Variants in ST7 observed in about 807,000 individuals in gnomAD.
ST7 encodes suppressor of tumorigenicity 7 protein.
ST7 carries 28 observed loss-of-function variants against 78.7 expected under a neutral mutation model. The ratio of observed to expected loss-of-function variants is 0.36; its 90% confidence interval spans 0.26 to 0.49. The LOEUF is 0.49. ST7 is among the 20% of genes least tolerant of loss of function. The pLI, the probability that ST7 is intolerant of heterozygous loss-of-function variation, is 0.99. For synonymous variants in ST7, 247 were observed against 249.6 expected, an observed-to-expected ratio of 0.99 and a Z score of 0.10; for missense variants, 418 against 696.0, an observed-to-expected ratio of 0.60 and a Z score of 4.49.
At chr7:116,953,732 C>G (rs774949259) in intron 1 of ST7, 41 bp downstream of exon 1, 8 of 1,361,048 alleles carry the variant, frequency 5.9e-6, no homozygotes, top group Admixed American at 2.2e-5. Context: ...CACCCCTCCC[C>G]CGCCCCGGAA....
At chr7:117,217,302 A>C (rs930665835) in intron 13 of ST7, among the ~76,000 whole-genome samples, 2 of 150,660 alleles carry the variant, frequency 1.3e-5, no homozygotes, top group African/African-American at 2.4e-5. Context: ...AAAAAAAACA[A>C]AAAAAAAAAC....
At chr7:117,123,396 C>G (rs1584726164) in intron 3 of ST7, among the ~76,000 whole-genome samples, 1 of 152,076 alleles carries the variant, frequency 6.6e-6, no homozygotes, top group East Asian at 1.9e-4. Flanking sequence ...TTTTAAACTT[C>G]TGGATTTGTA....
chr7:117,074,145 C>A (rs376213369), intron 1 of ST7, among the ~76,000 whole-genome samples: 1 of 152,150 alleles, frequency 6.6e-6, no homozygotes. Context: ...AATCCCAGCA[C>A]GTTGGGAGGC....
chr7:117,116,292 A>C (rs1019998336), intron 2 of ST7, among the ~76,000 whole-genome samples: 4 of 152,202 alleles, frequency 2.6e-5, no homozygotes, highest in Admixed American at 6.5e-5. Flanking sequence ...TGACAGGCCC[A>C]CTGAGCTACT....
chr7:117,189,012 T>G (rs889886770), intron 10 of ST7, among the ~76,000 whole-genome samples: 3 of 152,190 alleles, frequency 2.0e-5, no homozygotes, highest in African/African-American at 4.8e-5. Context: ...GATATCTAAA[T>G]GTATATATTT....
rs1240953006 is a variant in ST7 at position 117,139,967 on chromosome 7, A to G, written c.963+1435A>G. Among the ~76,000 whole-genome samples, 4 of 152,220 alleles carry G rather than the reference A, an allele frequency of 2.6e-5. No homozygotes were observed. In the East Asian group the frequency reaches 7.7e-4, roughly 29 times the overall value. On this transcript the variant is annotated intron_variant, in intron 9 of 15. Transcript: ENST00000323984. Reference sequence around the variant, plus strand: ...TTCTCTATCTTAACCTGGCCCAGCCACATTCAGCTTTTAAACAGAGTTTTC... The same window carrying G: ...TTCTCTATCTTAACCTGGCCCAGCCGCATTCAGCTTTTAAACAGAGTTTTC...
At chr7:116,981,480 A>G (rs903596674) in intron 1 of ST7, among the ~76,000 whole-genome samples, 4 of 152,176 alleles carry the variant, frequency 2.6e-5, no homozygotes, top group Non-Finnish European at 5.9e-5. Context: ...TGTTTTTCTC[A>G]TAGAATCCTA....
intron 9 of ST7, among the ~76,000 whole-genome samples, chr7:117,165,783 C>T (rs1807507583): frequency 6.6e-6 from 1 of 152,096 alleles, no homozygotes; most frequent in African/African-American, 2.4e-5. Context: ...GTAAAGATTT[C>T]CTGAAAGTTG....
intron 5 of ST7, among the ~76,000 whole-genome samples, 172 bp from the exon 6 acceptor site, chr7:117,131,713 G>T (rs1804373173): frequency 6.6e-6 from 1 of 151,864 alleles, no homozygotes; most frequent in Non-Finnish European, 1.5e-5. Flanking sequence ...AAATACTGTG[G>T]AATAGCACAT....
At chr7:117,194,781 C>T (rs763912604) in intron 12 of ST7, among the ~76,000 whole-genome samples, 4 of 152,188 alleles carry the variant, frequency 2.6e-5, no homozygotes, top group Admixed American at 6.5e-5. Context: ...GCTCACTCTG[C>T]TCTTCCTCAG....
intron 1 of ST7, among the ~76,000 whole-genome samples, chr7:117,019,544 C>T (rs1462173267): frequency 6.6e-6 from 1 of 152,120 alleles, no homozygotes. Context: ...GACAGAAATT[C>T]ATGTAAGGCA....
At position 116,985,425 on chromosome 7, in the gene ST7, T is replaced by C. The variant is rs1248482686; in HGVS notation, c.151+31734T>C. On this transcript the variant is annotated intron_variant, in intron 1 of 15. Coordinates refer to ENST00000323984, the MANE Select transcript of ST7 (RefSeq NM_001369598.1). The stretch of plus-strand genomic sequence containing the variant: ...ATTTTTCAATATGAACAGAAAAGCT[T>C]AGCAGACATTTCACACTCAAATGTA... Among the ~76,000 whole-genome samples, 6 of 152,318 alleles carry C rather than the reference T, an allele frequency of 3.9e-5. No individual in the cohort carries two copies. In the South Asian group the frequency reaches 1.2e-3, roughly 32 times the overall value.
intron 1 of ST7, among the ~76,000 whole-genome samples, chr7:116,955,643 C>T (rs1052475407): frequency 3.9e-5 from 6 of 152,124 alleles, no homozygotes; most frequent in Admixed American, 2.0e-4. Context: ...TCATGATATA[C>T]ATTTGTATAT....
chr7:117,066,380 T>G (rs1471942191), intron 1 of ST7, among the ~76,000 whole-genome samples: 1 of 152,166 alleles, frequency 6.6e-6, no homozygotes, highest in Non-Finnish European at 1.5e-5. Context: ...AAATAGATAT[T>G]GAACAAATGA....
At chr7:117,162,352 CT>C (rs1268616719) in intron 9 of ST7, among the ~76,000 whole-genome samples, 1 of 151,868 alleles carries the variant, frequency 6.6e-6, no homozygotes, top group African/African-American at 2.4e-5. Context: ...AATAAAACTG[CT>C]TGATTTTTGT....
At chr7:117,148,026 T>C (rs1805948282) in intron 9 of ST7, among the ~76,000 whole-genome samples, 1 of 152,198 alleles carries the variant, frequency 6.6e-6, no homozygotes, top group South Asian at 2.1e-4. Context: ...AAGATTTGTA[T>C]GTATTTACTA....
intron 6 of ST7, among the ~76,000 whole-genome samples, chr7:117,133,144 C>CT (rs1345461073): frequency 1.3e-5 from 2 of 151,898 alleles, no homozygotes; most frequent in African/African-American, 4.8e-5. Flanking sequence ...GAGACCATTC[C>CT]TTTAATAATC....
intron 1 of ST7, 93 bp downstream of exon 1, chr7:116,953,784 C>T: frequency 1.1e-6 from 1 of 926,698 alleles, no homozygotes; most frequent in Non-Finnish European, 1.3e-6. Flanking sequence ...GGCGCGCGCT[C>T]GGGGACGCGC....
chr7:116,973,412 C>T (rs1389745004), intron 1 of ST7, among the ~76,000 whole-genome samples: 1 of 152,130 alleles, frequency 6.6e-6, no homozygotes, highest in Non-Finnish European at 1.5e-5. Context: ...TGTGTGCCAC[C>T]ACGTCAGACT....
Sources: gnomAD v4.1 joint callset for allele counts (sites outside exome capture counted in the v4.1 genomes callset) on GRCh38, gnomAD v4.1.1 for gene constraint, MANE v1.5 for transcripts, NCBI Gene and HGNC (gene_info 2026-07-23, HGNC 2026-07-21) for gene names.